ZNF410: variants seen among roughly 807,000 people sequenced by gnomAD.
ZNF410 encodes the protein zinc finger protein 410, also known as another partner for ARF 1.
ZNF410 carries 18 observed loss-of-function variants against 54.8 expected under a neutral mutation model. The observed-to-expected ratio is 0.33, with a 90% CI of 0.23 to 0.49. ZNF410 has a LOEUF of 0.49. Ranked by LOEUF, ZNF410 falls within the 20% of genes least tolerant of loss-of-function variation. The pLI is 0.99. For missense variants in ZNF410, 405 were observed against 569.6 expected, an observed-to-expected ratio of 0.71 and a Z score of 2.94; for synonymous variants, 191 against 207.3, an observed-to-expected ratio of 0.92 and a Z score of 0.68.
chr14:73,899,959 GC>G (rs2055379869), intron 5 of ZNF410, among the ~76,000 whole-genome samples: 1 of 151,994 alleles, frequency 6.6e-6, no homozygotes, highest in Non-Finnish European at 1.5e-5. Flanking sequence ...ACTTTGGGAG[GC>G]CGAGGCAGGC....
chr14:73,889,408 C>A (rs1007854834), intron 1 of ZNF410, among the ~76,000 whole-genome samples: 2 of 134,794 alleles, frequency 1.5e-5, no homozygotes, highest in South Asian at 4.9e-4. Context: ...CTCCAGCCTG[C>A]GTGACAGAGC....
chr14:73,889,688 C>T (rs1444576299), intron 1 of ZNF410, among the ~76,000 whole-genome samples: 1 of 151,728 alleles, frequency 6.6e-6, no homozygotes, highest in Non-Finnish European at 1.5e-5. Context: ...GAAACTGTTG[C>T]AGTGCTTGAA....
At chr14:73,920,861 G>T in intron 8 of ZNF410, 119 bp from the exon 9 acceptor site, 1 of 1,347,208 alleles carries the variant, frequency 7.4e-7, no homozygotes, top group Middle Eastern at 1.9e-4. Context: ...GGTGCGGAAT[G>T]GGAAAAGGAG....
chr14:73,911,009 T>C (rs2055569690), intron 8 of ZNF410, among the ~76,000 whole-genome samples: 1 of 152,092 alleles, frequency 6.6e-6, no homozygotes, highest in South Asian at 2.1e-4. Flanking sequence ...CTTGTAAGTT[T>C]GTTGGAGGTG....
At chr14:73,923,368 T>C (rs745519653) in intron 10 of ZNF410, 27 bp from the exon 11 acceptor site, 2 of 1,606,958 alleles carry the variant, frequency 1.2e-6, no homozygotes, top group South Asian at 1.1e-5. Context: ...TCACTTTTCA[T>C]TGAAACATTT....
chr14:73,920,717 C>A, intron 8 of ZNF410: 2 of 394,952 alleles, frequency 5.1e-6, no homozygotes, highest in Non-Finnish European at 9.3e-6. Flanking sequence ...GGTCCTATAC[C>A]AAAGAGGTTT....
intron 8 of ZNF410, among the ~76,000 whole-genome samples, chr14:73,919,554 C>T (rs1312662564): frequency 6.6e-6 from 1 of 152,120 alleles, no homozygotes; most frequent in East Asian, 1.9e-4. Context: ...TTTTCTGTTT[C>T]TGTGTTAATT....
At chr14:73,886,980 A>G (rs562802455) in intron 1 of ZNF410, 65 bp downstream of exon 1, 13 of 152,608 alleles carry the variant, frequency 8.5e-5, no homozygotes, top group African/African-American at 2.9e-4. Flanking sequence ...GGCGGGGGCC[A>G]GTACCGGCTA....
chr14:73,918,880 A>G (rs1314911564), intron 8 of ZNF410, among the ~76,000 whole-genome samples: 3 of 139,234 alleles, frequency 2.2e-5, no homozygotes, highest in East Asian at 2.2e-4. Flanking sequence ...TTGTATTTTT[A>G]GTAGAGATGG....
At chr14:73,912,169 C>CTT (rs34162465) in intron 8 of ZNF410, among the ~76,000 whole-genome samples, 10 of 128,568 alleles carry the variant, frequency 7.8e-5, no homozygotes, top group Admixed American at 2.4e-4. Context: ...CTTTCACTTT[C>CTT]TTTTTTTTTT....
chr14:73,926,544 C>T (rs1003548238), intron 11 of ZNF410, among the ~76,000 whole-genome samples: 39 of 152,106 alleles, frequency 2.6e-4, no homozygotes, highest in African/African-American at 7.7e-4. Context: ...AGCAATTCTC[C>T]TGCCTCAAGT....
rs554441676 is a variant in ZNF410, at chr14:73,925,376, C to A, written c.1398+1854C>A. ...GAGAGAGACTAGTATGATAAACCCA[C>A]GTCGAAGTCGAAGTTACGGCTGAGA... On this transcript the variant is annotated intron_variant, in intron 11 of 11. Coordinates refer to ENST00000555044, the MANE Select transcript of ZNF410 (RefSeq NM_021188.3). 9.8e-4 allele frequency among the ~76,000 whole-genome samples: 148 copies of A among 151,334 alleles called. 1 individual carries two copies. The highest frequency in any genetic ancestry group is 1.6e-3 in the Non-Finnish European group (111 of 67,928).
Position 73,932,447 on chromosome 14 carries a change from T to C in ZNF410, c.*906T>C, listed in dbSNP as rs958460553. The stretch of plus-strand genomic sequence containing the variant: ...ATCTTCATTTCTTAAGCCCAGGTGA[T>C]AGTTACTCTGTCACCACCAAAAAAG... On this transcript the variant is annotated 3_prime_UTR_variant, in exon 12 of 12. Transcript: ENST00000555044. 4 of 455,102 alleles carry C rather than the reference T, an allele frequency of 8.8e-6. No homozygotes were observed. Among genetic ancestry groups the C allele is most frequent in the Non-Finnish European group, 1.8e-5 (4 of 226,642 alleles). The allele number at this position is 455,102 out of a possible 1,614,324, so 28.2% of individuals were successfully genotyped here.
intron 4 of ZNF410, among the ~76,000 whole-genome samples, chr14:73,897,377 G>A (rs933334006): frequency 2.0e-5 from 3 of 152,152 alleles, no homozygotes; most frequent in African/African-American, 7.2e-5. Context: ...AAAAATAAGG[G>A]TGAGAGACTT....
rs751015457 is a variant in ZNF410, at chr14:73,893,773, C to T, written c.34-24C>T. ...TACATTTCTAACAACTCGTATTTCT[C>T]AGTGTTGTCTTTTCTCCCCCCAGCT... On this transcript the variant is annotated intron_variant, in intron 2 of 11. Coordinates refer to ENST00000555044, the MANE Select transcript of ZNF410 (RefSeq NM_021188.3). 45 of 1,585,608 alleles carry T rather than the reference C, an allele frequency of 2.8e-5. No homozygotes were observed. The South Asian group carries it at 4.5e-4, about 16-fold the overall frequency.
rs745605563 is a variant in ZNF410 at position 73,892,226 on chromosome 14, G to C, written c.33+18G>C. 9.9e-6 allele frequency: 16 copies of C among 1,610,012 alleles called. No homozygotes were observed. In the East Asian group the frequency reaches 3.2e-4, roughly 32 times the overall value. On this transcript the variant is annotated intron_variant, in intron 2 of 11. Transcript: ENST00000555044. ...AACCAGAGGTGAGCCCAGTCAGCTTGTTTCCTTTTCTTTTGGTGGGCTATA... is the reference window on the plus strand; with the variant it reads ...AACCAGAGGTGAGCCCAGTCAGCTTCTTTCCTTTTCTTTTGGTGGGCTATA...
intron 8 of ZNF410, 53 bp downstream of exon 8, chr14:73,909,483 A>T: frequency 6.7e-7 from 1 of 1,494,568 alleles, no homozygotes; most frequent in South Asian, 1.1e-5. Context: ...CAAAAGAATA[A>T]AAGGGTTGTG....
rs1594773080 is a variant in ZNF410, at chr14:73,931,639, C to A, written c.*98C>A. On this transcript the variant is annotated 3_prime_UTR_variant, in exon 12 of 12. Transcript: ENST00000555044. ...AGCCCACAACAGAACCAGAATGAAT[C>A]TTTGAAGGCACAAGACTCTGCTTTT... 8.9e-7 allele frequency: 1 copy of A among 1,126,938 alleles called. No homozygotes were observed. The highest frequency in any genetic ancestry group is 2.4e-5 in the East Asian group (1 of 41,708). 69.8% of individuals were successfully genotyped at this position (1,126,938 alleles called of 1,614,324 possible). A position where few individuals can be genotyped will look rare whatever the true frequency, so the allele number is the denominator to read the frequency against.
chr14:73,898,592 A>G (rs10483856), intron 5 of ZNF410: 54,858 of 434,010 alleles, frequency 0.13, 4,131 homozygotes, highest in Admixed American at 0.21. Flanking sequence ...TAAACTTCAT[A>G]TACTTAGAGC....
Sources: gnomAD v4.1 joint callset for allele counts (sites outside exome capture counted in the v4.1 genomes callset) on GRCh38, gnomAD v4.1.1 for gene constraint, MANE v1.5 for transcripts, NCBI Gene and HGNC (gene_info 2026-07-23, HGNC 2026-07-21) for gene names.